Variants in SBF2 observed in about 807,000 individuals in gnomAD.
The protein encoded by SBF2 is myotubularin-related protein 13.
A neutral mutation model predicts 225.2 loss-of-function variants in SBF2; 112 were observed. The observed-to-expected ratio is 0.50, with a 90% CI of 0.43 to 0.58. The LOEUF is 0.58. Among genes scored for constraint, SBF2 ranks in the 20% least tolerant of loss-of-function variants. SBF2 has a pLI of 0.00. For missense variants in SBF2, 1,996 were observed against 2,206.2 expected (o/e 0.90, Z 1.91); for synonymous variants, 763 against 773.3 (o/e 0.99, Z 0.22).
chr11:9,892,699 A>G (rs1202607379), intron 17 of SBF2, among the ~76,000 whole-genome samples: 3 of 151,972 alleles, frequency 2.0e-5, no homozygotes, highest in Non-Finnish European at 4.4e-5. Context: ...AGCTGGGATT[A>G]CAGGCATACG....
At chr11:9,944,071 A>G (rs971962301) in intron 16 of SBF2, among the ~76,000 whole-genome samples, 17 of 152,256 alleles carry the variant, frequency 1.1e-4, no homozygotes, top group African/African-American at 4.1e-4. Flanking sequence ...TATGAATATC[A>G]TAAGCTGCTG....
chr11:10,107,291 G>C (rs1952598206), intron 2 of SBF2, among the ~76,000 whole-genome samples: 1 of 152,104 alleles, frequency 6.6e-6, no homozygotes. Flanking sequence ...AACAGATAAA[G>C]TGTGGCATAT....
chr11:9,785,202 G>C lies in SBF2; in HGVS notation c.5154C>G (p.Ser1718Arg). 6.2e-7 allele frequency: 1 copy of C among 1,614,158 alleles called. No homozygotes were observed. Among genetic ancestry groups the C allele is most frequent in the Non-Finnish European group, 8.5e-7 (1 of 1,180,012 alleles). The change falls in exon 37 of 40, where the codon AGC becomes AGG. Residue 1718 changes from serine to arginine, a missense_variant. Coordinates refer to ENST00000256190, the MANE Select transcript of SBF2 (RefSeq NM_030962.4). The part of the protein sequence containing the change: ...DSSMGEEQNS[S>R]ISPSNGVERR... The stretch of plus-strand genomic sequence containing the variant: ...GCTCCACTCCATTGGATGGGGAGAT[G>C]CTGGAATTCTGTTCCTCCCCCATGC...
intron 35 of SBF2, among the ~76,000 whole-genome samples, chr11:9,788,836 A>C (rs1406780714): frequency 6.7e-6 from 1 of 148,288 alleles, no homozygotes; most frequent in Admixed American, 6.7e-5. Flanking sequence ...CGATCTCCTG[A>C]CCTTGTGATC....
At chr11:9,981,477 G>A (rs557533250) in intron 13 of SBF2, among the ~76,000 whole-genome samples, 3 of 152,114 alleles carry the variant, frequency 2.0e-5, no homozygotes, top group Non-Finnish European at 4.4e-5. Flanking sequence ...TTTAAAAAAC[G>A]TTTGAAATCG....
chr11:9,852,614 C>G, intron 21 of SBF2, 62 bp downstream of exon 21: 1 of 1,157,878 alleles, frequency 8.6e-7, no homozygotes, highest in Non-Finnish European at 1.3e-6. Flanking sequence ...TGGCACACAG[C>G]AGTCTATTGT....
chr11:10,266,597 C>T (rs1369884748), intron 1 of SBF2, among the ~76,000 whole-genome samples: 1 of 152,156 alleles, frequency 6.6e-6, no homozygotes, highest in Non-Finnish European at 1.5e-5. Flanking sequence ...CAATATGGAA[C>T]TAGCTAGAGA....
At chr11:10,227,881 G>T (rs1377371313) in intron 1 of SBF2, among the ~76,000 whole-genome samples, 14 of 151,280 alleles carry the variant, frequency 9.3e-5, no homozygotes, top group Admixed American at 3.3e-4. Flanking sequence ...GCTTGATGGG[G>T]ATGGCATTGA....
chr11:9,973,686 C>G (rs1946554848), intron 13 of SBF2, among the ~76,000 whole-genome samples: 1 of 152,074 alleles, frequency 6.6e-6, no homozygotes, highest in South Asian at 2.1e-4. Context: ...GCCCAGCTAC[C>G]CCCAGCTTTG....
At chr11:9,891,111 GGGC>G (rs1278165101) in intron 17 of SBF2, among the ~76,000 whole-genome samples, 94 of 152,044 alleles carry the variant, frequency 6.2e-4, no homozygotes, top group African/African-American at 2.2e-3. Flanking sequence ...ACTCCAGCCT[GGGC>G]GAAAAGAGCA....
chr11:10,142,304 T>G (rs1013534647), intron 2 of SBF2, among the ~76,000 whole-genome samples: 1 of 152,192 alleles, frequency 6.6e-6, no homozygotes, highest in African/African-American at 2.4e-5. Flanking sequence ...TTACTCTGTA[T>G]TTTTCAATAT....
intron 2 of SBF2, among the ~76,000 whole-genome samples, chr11:10,076,920 C>T (rs746722387): frequency 7.9e-5 from 12 of 152,206 alleles, no homozygotes; most frequent in Non-Finnish European, 1.5e-4. Context: ...CTCCATCAAC[C>T]TGCATCTGAG....
At chr11:10,093,442 T>G (rs572193943) in intron 2 of SBF2, among the ~76,000 whole-genome samples, 1 of 151,956 alleles carries the variant, frequency 6.6e-6, no homozygotes, top group East Asian at 1.9e-4. Context: ...CTGCTTTAGA[T>G]GTAAGATTTA....
At chr11:9,910,949 C>G (rs1218037963) in intron 16 of SBF2, among the ~76,000 whole-genome samples, 1 of 150,436 alleles carries the variant, frequency 6.6e-6, no homozygotes, top group Non-Finnish European at 1.5e-5. Context: ...GTCCCAGCTA[C>G]TCAGGAGGCT....
intron 1 of SBF2, among the ~76,000 whole-genome samples, chr11:10,210,786 G>A (rs1272025488): frequency 1.3e-5 from 2 of 151,966 alleles, no homozygotes; most frequent in Non-Finnish European, 2.9e-5. Flanking sequence ...GCCGAGGGAG[G>A]TGGATCACCT....
At chr11:10,094,782 G>A (rs770182425) in intron 2 of SBF2, among the ~76,000 whole-genome samples, 1 of 151,700 alleles carries the variant, frequency 6.6e-6, no homozygotes, top group Non-Finnish European at 1.5e-5. Context: ...TGGGATTATA[G>A]GCATGAGCCA....
Position 10,016,282 on chromosome 11 carries a change from GCTATA to G in SBF2, c.619+12165_619+12169del, listed in dbSNP as rs565458212. Among the ~76,000 whole-genome samples, 669 of 152,218 alleles carry G rather than the reference GCTATA, an allele frequency of 4.4e-3. 3 individuals are homozygous for G. Among genetic ancestry groups the G allele is most frequent in the Middle Eastern group, 0.01 (3 of 294 alleles). ...AGTTGATATTGTCAAGGGAGGCAAT[GCTATA>G]CTATATTTACTGAGAGGATATATGT... On this transcript the variant is annotated intron_variant, in intron 6 of 39. Coordinates refer to ENST00000256190, the MANE Select transcript of SBF2 (RefSeq NM_030962.4).
chr11:9,795,796 CAAAA>C (rs2133872189), intron 33 of SBF2, 31 bp downstream of exon 33: 1 of 1,608,338 alleles, frequency 6.2e-7, no homozygotes. Flanking sequence ...GCAGAACTAA[CAAAA>C]AAGATGAAAC....
At chr11:9,970,925 T>C (rs1245767037) in intron 13 of SBF2, among the ~76,000 whole-genome samples, 4 of 152,244 alleles carry the variant, frequency 2.6e-5, no homozygotes, top group Admixed American at 6.5e-5. Context: ...TTTACAATTC[T>C]GTCTGGACTT....
Sources: allele counts gnomAD v4.1 joint callset (sites outside exome capture counted in the v4.1 genomes callset), GRCh38; gene constraint gnomAD v4.1.1; transcripts MANE v1.5; gene names NCBI Gene and HGNC (gene_info 2026-07-23, HGNC 2026-07-21).